The following SARAF variants were observed in gnomAD, a reference collection of about 807,000 sequenced individuals.
The protein encoded by SARAF is store-operated calcium entry associated regulatory factor.
SARAF carries 23 observed loss-of-function variants against 39.7 expected under a neutral mutation model. That is an observed-to-expected ratio of 0.58 (90% CI 0.42 to 0.82). The LOEUF (loss-of-function observed/expected upper bound fraction) is 0.82, where lower values mean the gene tolerates loss of function less well. SARAF is among the 40% of genes least tolerant of loss of function. SARAF has a pLI of 0.00. For missense variants in SARAF, 384 were observed against 418.5 expected, an observed-to-expected ratio of 0.92 and a Z score of 0.72; for synonymous variants, 175 against 168.5, an observed-to-expected ratio of 1.04 and a Z score of -0.30.
At position 30,073,760 on chromosome 8, in the gene SARAF, T is replaced by C; in HGVS notation, c.282+117A>G. On this transcript the variant is annotated intron_variant, in intron 2 of 5. Coordinates refer to ENST00000256255, the MANE Select transcript of SARAF (RefSeq NM_016127.6). ...GAAGAGTGATTGATTTACTTACATA[T>C]TTTAGGCTGATCTGAGATTTCCGTA... 5.0e-6 allele frequency: 4 copies of C among 796,906 alleles called. No individual in the cohort carries two copies. In the South Asian group the frequency reaches 6.2e-5, roughly 12 times the overall value. 49.4% of individuals were successfully genotyped at this position (796,906 alleles called of 1,614,324 possible). A position where few individuals can be genotyped will look rare whatever the true frequency, so the allele number is the denominator to read the frequency against.
At chr8:30,079,884 C>T (rs773260482) in intron 1 of SARAF, among the ~76,000 whole-genome samples, 6 of 152,068 alleles carry the variant, frequency 3.9e-5, no homozygotes, top group Non-Finnish European at 8.8e-5. Context: ...ATTCTAATAC[C>T]CACGCCCCAC....
Position 30,069,785 on chromosome 8 carries a change from G to A in SARAF, c.557C>T (p.Ala186Val), listed in dbSNP as rs1448200586. 1.2e-6 allele frequency: 2 copies of A among 1,614,070 alleles called. No homozygotes were observed. Among genetic ancestry groups the A allele is most frequent in the East Asian group, 2.2e-5 (1 of 44,862 alleles). Residue 186 changes from alanine (A) to valine (V), a missense_variant, in exon 3 of 6, where the codon GCG becomes GTG. Coordinates refer to ENST00000256255, the MANE Select transcript of SARAF (RefSeq NM_016127.6). Reference protein sequence around the residue: ...LITIVVLLGIAFVVYKLFLSD... With the variant: ...LITIVVLLGIVFVVYKLFLSD... ...CAGGAACAGCTTATAGACTACAAAC[G>A]CGATCCCAAGGAGTACCACAATGGT...
chr8:30,074,027 A>T lies in SARAF; in HGVS notation c.132T>A (p.Ala44=). Residue 44 remains alanine (A), a synonymous_variant, in exon 2 of 6, where the codon GCT becomes GCA. Transcript: ENST00000256255. ...PDRMLLRDVK[A]LTLHYDRYTT... The stretch of plus-strand genomic sequence containing the variant: ...TATAGCGGTCATAGTGGAGGGTAAG[A>T]GCTTTTACATCCCGCAGCAACATTC... The T allele has an allele frequency of 6.2e-7, 1 of 1,613,928 alleles. No homozygotes were observed. Among genetic ancestry groups the T allele is most frequent in the Non-Finnish European group, 8.5e-7 (1 of 1,179,874 alleles).
At chr8:30,073,119 T>C (rs1801882176) in intron 2 of SARAF, among the ~76,000 whole-genome samples, 1 of 152,172 alleles carries the variant, frequency 6.6e-6, no homozygotes, top group African/African-American at 2.4e-5. Context: ...ACACATCAAC[T>C]TCCTCTCTGA....
At position 30,069,852 on chromosome 8, in the gene SARAF, TATA is replaced by T; in HGVS notation, c.487_489del (p.Tyr163del). On this transcript the variant is annotated inframe_deletion, in exon 3 of 6. Transcript: ENST00000256255. Reference sequence around the variant, plus strand: ...TTACAGGAATCCGCCGAGGACCACTTATAATAATAATCAGAGAAAGAGGCAAAG... The same window carrying T: ...TTACAGGAATCCGCCGAGGACCACTTATAATAATCAGAGAAAGAGGCAAAG... 1 of 1,614,122 alleles carries T rather than the reference TATA, an allele frequency of 6.2e-7. No homozygotes were observed. Among genetic ancestry groups the T allele is most frequent in the Non-Finnish European group, 8.5e-7 (1 of 1,179,994 alleles).
chr8:30,079,083 G>A (rs1802039962), intron 1 of SARAF, among the ~76,000 whole-genome samples: 1 of 150,962 alleles, frequency 6.6e-6, no homozygotes, highest in African/African-American at 2.4e-5. Flanking sequence ...CTTGAATCCA[G>A]GAGGTGGAGG....
intron 1 of SARAF, among the ~76,000 whole-genome samples, chr8:30,079,173 A>C (rs1585446627): frequency 1.3e-5 from 2 of 151,764 alleles, no homozygotes; most frequent in East Asian, 3.9e-4. Context: ...AAAAAAAAAA[A>C]AAAAAAGATT....
intron 1 of SARAF, chr8:30,078,380 A>G (rs1802023342): frequency 3.2e-6 from 1 of 317,420 alleles, no homozygotes; most frequent in East Asian, 1.1e-4. Flanking sequence ...GGCCTGAGAA[A>G]CAGACCACAC....
At chr8:30,073,855 C>T in intron 2 of SARAF, 22 bp downstream of exon 2, 3 of 1,597,762 alleles carry the variant, frequency 1.9e-6, no homozygotes, top group South Asian at 1.1e-5. Context: ...ATTTAGACTG[C>T]CATTACTGTA....
chr8:30,064,561 A>ATTTTTTTTTTTTTTTTTTT (rs869277681), intron 5 of SARAF, among the ~76,000 whole-genome samples: 1 of 46,228 alleles, frequency 2.2e-5, no homozygotes, highest in Non-Finnish European at 3.4e-5. Flanking sequence ...ATATATATAT[A>ATTTTTTTTTTTTTTTTTTT]TTTTTTTTTT....
chr8:30,070,009 C>T lies in SARAF; in HGVS notation c.333G>A (p.Val111=), dbSNP rs988380356. 1.9e-6 allele frequency: 3 copies of T among 1,612,576 alleles called. No homozygotes were observed. In the East Asian group the frequency reaches 6.7e-5, roughly 36 times the overall value. ...AGGACTCATAGCCTTCACAGCTCAC[C>T]ACAGTTTTTCCAAATTTGTATGCAA... is the stretch of plus-strand genomic sequence containing the variant. The part of the protein sequence containing the change: ...LDIAYKFGKT[V]VSCEGYESSE... The change falls in exon 3 of 6, where the codon GTG becomes GTA. Residue 111 remains valine, a synonymous_variant. Transcript: ENST00000256255.
In SARAF at chr8:30,073,882, C is replaced by T; in HGVS notation, c.277G>A (p.Val93Ile). Residue 93 changes from valine (V) to isoleucine (I), a missense_variant, in exon 2 of 6, where the codon GTA becomes ATA. Transcript: ENST00000256255. The stretch of plus-strand genomic sequence containing the variant: ...ATTACTGTAGTGGATATTACCTGTA[C>T]ATCATACCCATCCCAGCCTTTGTTC... ...CQNKGWDGYD[V>I]QWECKTDLDI... 1 of 1,613,886 alleles carries T rather than the reference C, an allele frequency of 6.2e-7. No homozygotes were observed. The highest frequency in any genetic ancestry group is 8.5e-7 in the Non-Finnish European group (1 of 1,179,766).
At position 30,063,829 on chromosome 8, in the gene SARAF, G is replaced by A. The variant is rs1585430196; in HGVS notation, c.*59C>T. 6.8e-7 allele frequency: 1 copy of A among 1,469,826 alleles called. No individual in the cohort carries two copies. Among genetic ancestry groups the A allele is most frequent in the South Asian group, 1.1e-5 (1 of 87,538 alleles). The allele number at this position is 1,469,826 out of a possible 1,614,324, so 91.0% of individuals were successfully genotyped here. On this transcript the variant is annotated 3_prime_UTR_variant, in exon 6 of 6. Coordinates refer to ENST00000256255, the MANE Select transcript of SARAF (RefSeq NM_016127.6). ...TAACAGGTAGTACTTTTTTTCTAAA[G>A]AGAAAGTGATGAAAAATCCAAAATT...
At chr8:30,064,268 C>T (rs1166978385) in intron 5 of SARAF, among the ~76,000 whole-genome samples, 1 of 152,056 alleles carries the variant, frequency 6.6e-6, no homozygotes. Context: ...TCTCACAACT[C>T]CAGTGGTAAG....
intron 5 of SARAF, among the ~76,000 whole-genome samples, chr8:30,064,561 A>AT (rs869277681): frequency 2.2e-5 from 1 of 46,228 alleles, no homozygotes; most frequent in African/African-American, 1.1e-4. Flanking sequence ...ATATATATAT[A>AT]TTTTTTTTTT....
intron 2 of SARAF, 191 bp downstream of exon 2, chr8:30,073,686 T>C: frequency 2.0e-6 from 1 of 492,396 alleles, no homozygotes; most frequent in Non-Finnish European, 3.5e-6. Context: ...ATGAGTATTT[T>C]CAGGCTTTAA....
At position 30,069,905 on chromosome 8, in the gene SARAF, A is replaced by G. The variant is rs780163594; in HGVS notation, c.437T>C (p.Leu146Pro). 2.5e-6 allele frequency: 4 copies of G among 1,614,184 alleles called. No homozygotes were observed. Among genetic ancestry groups the G allele is most frequent in the Non-Finnish European group, 3.4e-6 (4 of 1,180,036 alleles). The change falls in exon 3 of 6, where the codon CTG becomes CCG. Residue 146 changes from leucine to proline, a missense_variant. Transcript: ENST00000256255. Reference protein sequence around the residue: ...LDYTELGLQKLKESGKQHGFA... With the variant: ...LDYTELGLQKPKESGKQHGFA... ...GCCGTGCTGCTTTCCAGACTCCTTC[A>G]GTTTCTGCAGGCCAAGTTCTGTATA...
intron 2 of SARAF, 126 bp from the exon 3 acceptor site, chr8:30,070,185 G>GGGCA: frequency 1.3e-6 from 1 of 790,386 alleles, no homozygotes; most frequent in Non-Finnish European, 2.0e-6. Flanking sequence ...CAAGGCGGGT[G>GGGCA]GATCACGCGG....
In SARAF at chr8:30,064,547, A is replaced by ATTTTTTTTTTTTTTTTTTTTTTTTTTTT. The variant is rs1319036441; in HGVS notation, c.995-635_995-634insAAAAAAAAAAAAAAAAAAAAAAAAAAAA. Among the ~76,000 whole-genome samples the ATTTTTTTTTTTTTTTTTTTTTTTTTTTT allele has an allele frequency of 1.1e-4, 4 of 37,014 alleles. 1 individual carries two copies. Among genetic ancestry groups the ATTTTTTTTTTTTTTTTTTTTTTTTTTTT allele is most frequent in the South Asian group, 1.9e-3 (2 of 1,046 alleles). The allele number at this position is 37,014 out of a possible 152,430, so 24.3% of individuals were successfully genotyped here. ...GTCTTACCTAGCCATATATATATAT[A>ATTTTTTTTTTTTTTTTTTTTTTTTTTTT]TATATATATATATATTTTTTTTTTT... is the stretch of plus-strand genomic sequence containing the variant. On this transcript the variant is annotated intron_variant, in intron 5 of 5. Transcript: ENST00000256255.
Sources: gnomAD v4.1 joint callset for allele counts (sites outside exome capture counted in the v4.1 genomes callset) on GRCh38, gnomAD v4.1.1 for gene constraint, MANE v1.5 for transcripts, NCBI Gene and HGNC (gene_info 2026-07-23, HGNC 2026-07-21) for gene names.